Variants in DDX47 observed in about 807,000 individuals in gnomAD.
The protein encoded by DDX47 is DEAD-box helicase 47.
A neutral mutation model predicts 58.8 loss-of-function variants in DDX47; 60 were observed. The ratio of observed to expected loss-of-function variants is 1.02; its 90% confidence interval spans 0.83 to 1.26. The LOEUF (loss-of-function observed/expected upper bound fraction) is 1.26, where lower values mean the gene tolerates loss of function less well. Ranked by LOEUF, DDX47 falls within the 50% of genes most tolerant of loss-of-function variation. The pLI is 0.00. For synonymous variants in DDX47, 197 were observed against 204.6 expected, an observed-to-expected ratio of 0.96 and a Z score of 0.32; for missense variants, 530 against 573.2, an observed-to-expected ratio of 0.92 and a Z score of 0.77.
chr12:12,821,687 C>T lies in DDX47; in HGVS notation c.403C>T (p.Gln135Ter), dbSNP rs746101128. Residue 135 changes from glutamine (Q) to a stop codon, truncating the protein, a stop_gained, in exon 4 of 12, where the codon CAA becomes TAA. Transcript: ENST00000358007. LOFTEE classifies it high-confidence loss of function. The part of the protein sequence containing the change: ...VIVGGIDSMS[Q>*]SLALAKKPHI... ...TGTAGGTGGAATTGATTCAATGTCT[C>T]AATCTTTGGCCCTTGCAAAAAAACC... The T allele has an allele frequency of 6.2e-7, 1 of 1,613,920 alleles. No homozygotes were observed. Among genetic ancestry groups the T allele is most frequent in the Non-Finnish European group, 8.5e-7 (1 of 1,179,898 alleles).
intron 2 of DDX47, among the ~76,000 whole-genome samples, chr12:12,815,436 A>G (rs1862881625): frequency 6.6e-6 from 1 of 152,222 alleles, no homozygotes. Flanking sequence ...AATCTATTAA[A>G]GAGATAATTA....
intron 2 of DDX47, among the ~76,000 whole-genome samples, chr12:12,816,255 A>G (rs113678537): frequency 1.3e-5 from 2 of 152,310 alleles, no homozygotes; most frequent in African/African-American, 4.8e-5. Flanking sequence ...TCAGTTAGCC[A>G]GGATGGATAA....
chr12:12,821,799 G>A, intron 4 of DDX47, 73 bp downstream of exon 4: 1 of 1,357,076 alleles, frequency 7.4e-7, no homozygotes, highest in Non-Finnish European at 1.0e-6. Flanking sequence ...TGGATAGAAA[G>A]ACTTTGAGAA....
intron 1 of DDX47, 123 bp downstream of exon 1, chr12:12,813,577 C>T: frequency 1.1e-6 from 1 of 937,632 alleles, no homozygotes; most frequent in East Asian, 2.6e-5. Flanking sequence ...TTGGGTTTTC[C>T]CCAGAATTTC....
At chr12:12,813,801 A>G (rs1416897794) in intron 1 of DDX47, among the ~76,000 whole-genome samples, 1 of 152,226 alleles carries the variant, frequency 6.6e-6, no homozygotes, top group African/African-American at 2.4e-5. Context: ...ACAGTCTCTT[A>G]CTGAGGACAA....
At chr12:12,822,509 A>G in intron 5 of DDX47, 152 bp from the exon 6 acceptor site, 1 of 621,138 alleles carries the variant, frequency 1.6e-6, no homozygotes, top group Middle Eastern at 2.8e-4. Context: ...AATATTCAGT[A>G]AACTTTAGCT....
rs749585540 is a variant in DDX47 at position 12,826,030 on chromosome 12, A to C, written c.1066A>C (p.Arg356=). ...CATCCATCGAGTAGGTCGAACAGCT[A>C]GAGCTGGGCGCTCCGGAAAGGCTAT... The part of the protein sequence containing the change: ...DYIHRVGRTA[R]AGRSGKAITF... The change falls in exon 10 of 12, where the codon AGA becomes CGA. Residue 356 remains arginine (R), a synonymous_variant. Transcript: ENST00000358007. 1 of 1,613,864 alleles carries C rather than the reference A, an allele frequency of 6.2e-7. No individual in the cohort carries two copies. Among genetic ancestry groups the C allele is most frequent in the Non-Finnish European group, 8.5e-7 (1 of 1,179,872 alleles).
intron 10 of DDX47, 37 bp from the exon 11 acceptor site, chr12:12,827,209 A>G: frequency 1.9e-6 from 3 of 1,603,380 alleles, no homozygotes; most frequent in Non-Finnish European, 2.6e-6. Flanking sequence ...CATTTGCGTT[A>G]CCAGGCAACC....
intron 6 of DDX47, 62 bp downstream of exon 6, chr12:12,822,794 A>G: frequency 7.2e-7 from 1 of 1,390,852 alleles, no homozygotes; most frequent in Non-Finnish European, 1.0e-6. Context: ...GTAAATAGTA[A>G]TAACAATAAG....
At chr12:12,820,449 T>G (rs1281836053) in intron 2 of DDX47, 2 of 152,278 alleles carry the variant, frequency 1.3e-5, no homozygotes, top group African/African-American at 4.8e-5. Context: ...CCTTAACACT[T>G]CTGTGTTCCA....
At chr12:12,822,287 G>A (rs192724902) in intron 5 of DDX47, among the ~76,000 whole-genome samples, 1 of 152,196 alleles carries the variant, frequency 6.6e-6, no homozygotes, top group Non-Finnish European at 1.5e-5. Flanking sequence ...TATCAAAACC[G>A]GATTTTCTTT....
chr12:12,827,629 T>G (rs1863072179), intron 11 of DDX47, among the ~76,000 whole-genome samples: 2 of 152,202 alleles, frequency 1.3e-5, no homozygotes, highest in Admixed American at 1.3e-4. Flanking sequence ...CGTGGTGAGA[T>G]AGTTCATCAG....
chr12:12,822,640 C>A, intron 5 of DDX47, 21 bp from the exon 6 acceptor site: 2 of 1,609,856 alleles, frequency 1.2e-6, no homozygotes, highest in Non-Finnish European at 1.7e-6. Flanking sequence ...ATATTGGCAT[C>A]TTTTCCTCTT....
At position 12,813,406 on chromosome 12, in the gene DDX47, G is replaced by A. The variant is rs1862844116; in HGVS notation, c.39G>A (p.Ala13=). The A allele has an allele frequency of 6.2e-7, 1 of 1,613,302 alleles. No homozygotes were observed. Among genetic ancestry groups the A allele is most frequent in the African/African-American group, 1.3e-5 (1 of 74,894 alleles). ...APEEHDSPTE[A]SQPIVEEEET... is the part of the protein sequence containing the mutation. Reference sequence around the variant, plus strand: ...AGGAACACGATTCTCCGACCGAAGCGTCCCAGCCGATTGTGGAAGAGGAGG... The same window carrying A: ...AGGAACACGATTCTCCGACCGAAGCATCCCAGCCGATTGTGGAAGAGGAGG... The change falls in exon 1 of 12, where the codon GCG becomes GCA. Residue 13 remains alanine (A), a synonymous_variant. Transcript: ENST00000358007.
intron 11 of DDX47, among the ~76,000 whole-genome samples, chr12:12,829,196 G>A (rs577255275): frequency 6.6e-6 from 1 of 152,302 alleles, no homozygotes; most frequent in East Asian, 1.9e-4. Flanking sequence ...CTTCTCTTAA[G>A]TCTTTGCCAA....
intron 2 of DDX47, among the ~76,000 whole-genome samples, chr12:12,817,102 A>C (rs1862907954): frequency 6.6e-6 from 1 of 152,228 alleles, no homozygotes; most frequent in Admixed American, 6.5e-5. Flanking sequence ...AAATGATTCA[A>C]ATAATCTGTT....
At position 12,822,646 on chromosome 12, in the gene DDX47, C is replaced by T. The variant is rs375407868; in HGVS notation, c.562-15C>T. On this transcript the variant is annotated splice_polypyrimidine_tract_variant and intron_variant, in intron 5 of 11. Coordinates refer to ENST00000358007, the MANE Select transcript of DDX47 (RefSeq NM_016355.4). ...CTGAATATCATATTGGCATCTTTTC[C>T]TCTTTGTGCTTTAGGTTGACAAGAT... is the stretch of plus-strand genomic sequence containing the variant. 1 of 1,611,718 alleles carries T rather than the reference C, an allele frequency of 6.2e-7. No homozygotes were observed. Among genetic ancestry groups the T allele is most frequent in the Non-Finnish European group, 8.5e-7 (1 of 1,178,262 alleles).
At chr12:12,829,344 T>C in intron 11 of DDX47, 79 bp from the exon 12 acceptor site, 1 of 1,478,860 alleles carries the variant, frequency 6.8e-7, no homozygotes, top group Non-Finnish European at 9.0e-7. Context: ...TACTTGATCT[T>C]AAGGAGAGGG....
chr12:12,822,063 A>G lies in DDX47; in HGVS notation c.541A>G (p.Asn181Asp), dbSNP rs1862982689. The change falls in exon 5 of 12, where the codon AAT becomes GAT. Residue 181 changes from asparagine (N) to aspartate (D), a missense_variant. Coordinates refer to ENST00000358007, the MANE Select transcript of DDX47 (RefSeq NM_016355.4). The part of the protein sequence containing the change: ...LVMDEADRIL[N>D]MDFETEVDKI... ...CATGGATGAAGCCGACCGAATACTG[A>G]ATATGGATTTTGAGACAGAGGTGAG... 1 of 1,612,508 alleles carries G rather than the reference A, an allele frequency of 6.2e-7. No homozygotes were observed. Among genetic ancestry groups the G allele is most frequent in the South Asian group, 1.1e-5 (1 of 91,020 alleles).
Sources: gnomAD v4.1 joint callset for allele counts (sites outside exome capture counted in the v4.1 genomes callset) on GRCh38, gnomAD v4.1.1 for gene constraint, MANE v1.5 for transcripts, NCBI Gene and HGNC (gene_info 2026-07-23, HGNC 2026-07-21) for gene names.